Variants in CHSY3 observed in about 807,000 individuals in gnomAD.
The protein encoded by CHSY3 is N-acetylgalactosaminyl-proteoglycan 3-beta-glucuronosyltransferase 3.
In CHSY3, 35 loss-of-function variants were observed where a neutral mutation model predicts 67.2. The observed-to-expected ratio is 0.52, with a 90% CI of 0.40 to 0.69. The LOEUF (loss-of-function observed/expected upper bound fraction) is 0.69, where lower values mean the gene tolerates loss of function less well. Ranked by LOEUF, CHSY3 falls within the 30% of genes least tolerant of loss-of-function variation. CHSY3 has a pLI of 0.00. For missense variants in CHSY3, 1,069 were observed against 1,138.5 expected, an observed-to-expected ratio of 0.94 and a Z score of 0.88; for synonymous variants, 474 against 434.7, an observed-to-expected ratio of 1.09 and a Z score of -1.12.
intron 2 of CHSY3, among the ~76,000 whole-genome samples, chr5:130,130,300 A>G (rs1269834413): frequency 6.6e-6 from 1 of 152,196 alleles, no homozygotes; most frequent in East Asian, 1.9e-4. Context: ...CTGACTTCCA[A>G]ACTTTTCTGA....
At chr5:130,136,791 G>T (rs1204795481) in intron 2 of CHSY3, among the ~76,000 whole-genome samples, 3 of 151,504 alleles carry the variant, frequency 2.0e-5, no homozygotes, top group African/African-American at 7.3e-5. Context: ...ATTCCTGGTG[G>T]GTAAAATATA....
At chr5:130,052,702 ATG>A (rs1765401577) in intron 2 of CHSY3, among the ~76,000 whole-genome samples, 1 of 152,172 alleles carries the variant, frequency 6.6e-6, no homozygotes, top group African/African-American at 2.4e-5. Context: ...AAGGGAGCCT[ATG>A]TCTTTTATCC....
chr5:130,061,224 A>G (rs925322948), intron 2 of CHSY3, among the ~76,000 whole-genome samples: 1 of 152,170 alleles, frequency 6.6e-6, no homozygotes, highest in Non-Finnish European at 1.5e-5. Flanking sequence ...ACTTTGATCA[A>G]TGGATCAGAA....
chr5:130,054,070 G>A (rs113920081), intron 2 of CHSY3, among the ~76,000 whole-genome samples: 1,631 of 152,108 alleles, frequency 0.011, 25 homozygotes, highest in African/African-American at 0.036. Flanking sequence ...AAAGCCTGTC[G>A]TCAAATATTG....
chr5:129,984,740 T>C (rs958178799), intron 2 of CHSY3, among the ~76,000 whole-genome samples: 1 of 152,156 alleles, frequency 6.6e-6, no homozygotes, highest in African/African-American at 2.4e-5. Context: ...TAGTATCTCA[T>C]TGTGGTTTTT....
At chr5:130,069,548 T>C (rs1765993847) in intron 2 of CHSY3, among the ~76,000 whole-genome samples, 1 of 152,052 alleles carries the variant, frequency 6.6e-6, no homozygotes, top group Admixed American at 6.6e-5. Context: ...TTTTCTCACA[T>C]AATTATTTTT....
At chr5:129,953,888 CA>C (rs774958886) in intron 2 of CHSY3, among the ~76,000 whole-genome samples, 1 of 152,058 alleles carries the variant, frequency 6.6e-6, no homozygotes, top group Non-Finnish European at 1.5e-5. Context: ...AGCCCTTTGT[CA>C]GATGAATAGA....
chr5:130,007,648 T>A (rs1763913917), intron 2 of CHSY3, among the ~76,000 whole-genome samples: 1 of 151,878 alleles, frequency 6.6e-6, no homozygotes, highest in South Asian at 2.1e-4. Flanking sequence ...GCTTGGAGAG[T>A]TTGCAGGGTC....
chr5:130,110,697 G>A (rs190894982), intron 2 of CHSY3, among the ~76,000 whole-genome samples: 396 of 151,888 alleles, frequency 2.6e-3, no homozygotes, highest in Middle Eastern at 0.02. Flanking sequence ...AAAAAGCATA[G>A]AGAATATTAA....
At chr5:129,916,654 T>C (rs1052594971) in intron 2 of CHSY3, among the ~76,000 whole-genome samples, 1 of 152,204 alleles carries the variant, frequency 6.6e-6, no homozygotes, top group African/African-American at 2.4e-5. Context: ...TTAAAATAAA[T>C]TGAAAATGTT....
At chr5:129,933,004 C>T (rs1761366266) in intron 2 of CHSY3, among the ~76,000 whole-genome samples, 1 of 152,136 alleles carries the variant, frequency 6.6e-6, no homozygotes, top group Non-Finnish European at 1.5e-5. Flanking sequence ...AGATCCCCTA[C>T]CTTTCCTCCC....
intron 2 of CHSY3, among the ~76,000 whole-genome samples, chr5:130,020,461 A>ATATATATATATATATATATATATT (rs1371121130): frequency 1.3e-5 from 1 of 79,934 alleles, no homozygotes; most frequent in Non-Finnish European, 2.2e-5. Flanking sequence ...ATATATATAT[A>ATATATATATATATATATATATATT]TTTTTTTTTT....
At chr5:129,939,222 A>G (rs1443368440) in intron 2 of CHSY3, among the ~76,000 whole-genome samples, 1 of 152,166 alleles carries the variant, frequency 6.6e-6, no homozygotes, top group Non-Finnish European at 1.5e-5. Flanking sequence ...TGGAGACAGC[A>G]AGGGAGAAGT....
At chr5:130,026,170 C>G (rs1232279987) in intron 2 of CHSY3, among the ~76,000 whole-genome samples, 1 of 152,026 alleles carries the variant, frequency 6.6e-6, no homozygotes, top group Non-Finnish European at 1.5e-5. Context: ...TGCAGCCCAC[C>G]CTTTCTTTCC....
At chr5:129,924,457 C>A (rs1354703483) in intron 2 of CHSY3, among the ~76,000 whole-genome samples, 1 of 151,858 alleles carries the variant, frequency 6.6e-6, no homozygotes, top group Non-Finnish European at 1.5e-5. Context: ...ACCATCCTGG[C>A]CAACATGATG....
intron 2 of CHSY3, among the ~76,000 whole-genome samples, chr5:129,913,171 C>T (rs1050590774): frequency 1.3e-5 from 2 of 152,110 alleles, no homozygotes; most frequent in African/African-American, 4.8e-5. Flanking sequence ...TTTTTTGACA[C>T]CTTTAGCAGA....
chr5:130,100,381 G>A (rs1190544021), intron 2 of CHSY3, among the ~76,000 whole-genome samples: 6 of 146,532 alleles, frequency 4.1e-5, no homozygotes, highest in African/African-American at 1.5e-4. Flanking sequence ...ATTTTTAGTA[G>A]AGACGGGCTT....
chr5:129,974,534 G>A (rs73785831), intron 2 of CHSY3, among the ~76,000 whole-genome samples: 70 of 152,038 alleles, frequency 4.6e-4, no homozygotes, highest in Non-Finnish European at 1.9e-4. Flanking sequence ...TACCATGGTC[G>A]AGAAAAAAAA....
At chr5:130,179,304 T>C (rs1770175119) in intron 2 of CHSY3, among the ~76,000 whole-genome samples, 1 of 152,176 alleles carries the variant, frequency 6.6e-6, no homozygotes, top group Non-Finnish European at 1.5e-5. Context: ...GTTTCTTAAA[T>C]TGTATCTTTA....
Sources: allele counts gnomAD v4.1 joint callset (sites outside exome capture counted in the v4.1 genomes callset), GRCh38; gene constraint gnomAD v4.1.1; transcripts MANE v1.5; gene names NCBI Gene and HGNC (gene_info 2026-07-23, HGNC 2026-07-21).